LRP2: variants seen among roughly 807,000 people sequenced by gnomAD.
LRP2 encodes LDL receptor related protein 2.
Under a neutral mutation model 531.0 loss-of-function variants are expected in LRP2, and 172 were observed. The observed-to-expected ratio is 0.32, with a 90% confidence interval of 0.29 to 0.37. The LOEUF (loss-of-function observed/expected upper bound fraction) is 0.37. Among genes scored for constraint, LRP2 ranks in the 10% least tolerant of loss-of-function variants. LRP2 has a pLI of 1.00. For missense variants in LRP2, 5,167 were observed against 5,868.3 expected (o/e 0.88, Z 3.90); for synonymous variants, 1,992 against 2,027.6 (o/e 0.98, Z 0.47).
rs758244632 is a variant in LRP2 at position 169,165,921 on chromosome 2, C to T, written c.11758+11G>A. 1.2e-6 allele frequency: 2 copies of T among 1,613,922 alleles called. No homozygotes were observed. The highest frequency in any genetic ancestry group is 3.3e-5 in the Admixed American group (2 of 60,016). On this transcript the variant is annotated intron_variant, in intron 62 of 78. Coordinates refer to ENST00000649046, the MANE Select transcript of LRP2 (RefSeq NM_004525.3). ...CTTCCTTTTTCCTTCTCCCTTTTGA[C>T]TTTTGCTTACAGTGCTCCTCTGTCT...
intron 1 of LRP2, among the ~76,000 whole-genome samples, chr2:169,331,628 A>G (rs561632278): frequency 6.6e-6 from 1 of 152,354 alleles, no homozygotes; most frequent in South Asian, 2.1e-4. Context: ...CTACACTTAC[A>G]GGATGTTGAA....
chr2:169,186,013 T>C lies in LRP2; in HGVS notation c.9335A>G (p.Asn3112Ser), dbSNP rs1055153187. ...ACTGATTGAAGGGTCATGGCATTCATTAATGCCTGTAGGTAAAAAGCAGTT... is the reference window on the plus strand; with the variant it reads ...ACTGATTGAAGGGTCATGGCATTCACTAATGCCTGTAGGTAAAAAGCAGTT... ...DNSDEKGCGI[N>S]ECHDPSISGC... is the part of the protein sequence containing the mutation. Residue 3112 changes from asparagine (N) to serine (S), a missense_variant, in exon 50 of 79, where the codon AAT becomes AGT. By Grantham distance (46) the Asn-to-Ser change is conservative. This residue lies in a region of LRP2 where 1,129 missense variants were observed against 1,362.7 expected (regional missense o/e 0.83). Coordinates refer to ENST00000649046, the MANE Select transcript of LRP2 (RefSeq NM_004525.3). The C allele has an allele frequency of 1.2e-6, 2 of 1,613,296 alleles. No individual in the cohort carries two copies. The highest frequency in any genetic ancestry group is 1.7e-6 in the Non-Finnish European group (2 of 1,179,916).
chr2:169,157,252 A>T (rs1686365439), intron 64 of LRP2, 119 bp downstream of exon 64: 4 of 1,089,658 alleles, frequency 3.7e-6, no homozygotes, highest in Non-Finnish European at 5.3e-6. Flanking sequence ...AGAACCATGA[A>T]ACCATGAGTA....
chr2:169,239,886 C>T lies in LRP2; in HGVS notation c.4046-111G>A, dbSNP rs557452177. ...GTCTCATGCCACCTTCAATATGATG[C>T]CCAGACAAGAGCTAAGTGCAGCATG... On this transcript the variant is annotated intron_variant, in intron 25 of 78. Coordinates refer to ENST00000649046, the MANE Select transcript of LRP2 (RefSeq NM_004525.3). 3 of 928,502 alleles carry T rather than the reference C, an allele frequency of 3.2e-6. No individual in the cohort carries two copies. In the East Asian group the frequency reaches 7.8e-5, roughly 24 times the overall value. The allele number at this position is 928,502 out of a possible 1,614,324, so 57.5% of individuals were successfully genotyped here. A position where few individuals can be genotyped will look rare whatever the true frequency, so the allele number is the denominator to read the frequency against.
intron 36 of LRP2, 109 bp from the exon 37 acceptor site, chr2:169,212,316 C>G: frequency 7.2e-7 from 1 of 1,388,588 alleles, no homozygotes; most frequent in Non-Finnish European, 1.0e-6. Context: ...AATTAATAAC[C>G]AACATATAGT....
intron 4 of LRP2, among the ~76,000 whole-genome samples, chr2:169,303,694 A>G (rs1684342450): frequency 6.7e-6 from 1 of 150,364 alleles, no homozygotes; most frequent in Non-Finnish European, 1.5e-5. Context: ...TTTTTTTTTT[A>G]CACTGCTCCA....
chr2:169,272,580 G>A (rs1033369321), intron 15 of LRP2, among the ~76,000 whole-genome samples: 4 of 152,044 alleles, frequency 2.6e-5, no homozygotes, highest in Admixed American at 6.6e-5. Context: ...GGTATACATA[G>A]CATAGAAAAG....
intron 29 of LRP2, 69 bp from the exon 30 acceptor site, chr2:169,233,657 G>A (rs1689495989): frequency 1.5e-6 from 2 of 1,325,018 alleles, no homozygotes; most frequent in African/African-American, 1.4e-5. Context: ...AGTCAAAGAG[G>A]ATATCTGCTC....
chr2:169,313,654 G>A (rs1173686856), intron 3 of LRP2, among the ~76,000 whole-genome samples: 1 of 152,142 alleles, frequency 6.6e-6, no homozygotes, highest in Admixed American at 6.5e-5. Flanking sequence ...GCTACTCGGG[G>A]GTCAGGGACC....
intron 63 of LRP2, among the ~76,000 whole-genome samples, chr2:169,160,682 T>A (rs865872714): frequency 1.1e-4 from 6 of 52,806 alleles, no homozygotes; most frequent in African/African-American, 3.8e-4. Flanking sequence ...CTTATTTCCT[T>A]AAAAAAAAAA....
chr2:169,333,810 C>T (rs1685331456), intron 1 of LRP2, among the ~76,000 whole-genome samples: 1 of 152,126 alleles, frequency 6.6e-6, no homozygotes, highest in African/African-American at 2.4e-5. Flanking sequence ...AGCAGGTTAT[C>T]TTTGCACCAG....
At chr2:169,290,811 T>A (rs111562844) in intron 8 of LRP2, 34 bp downstream of exon 8, 2 of 1,608,904 alleles carry the variant, frequency 1.2e-6, no homozygotes, top group Admixed American at 1.7e-5. Flanking sequence ...AATATCTTTA[T>A]CTGAAAGCTA....
At position 169,312,794 on chromosome 2, in the gene LRP2, G is replaced by A. The variant is rs537597140; in HGVS notation, c.311-5397C>T. Among the ~76,000 whole-genome samples the A allele has an allele frequency of 4.6e-5, 7 of 152,316 alleles. No individual in the cohort carries two copies. The South Asian group carries it at 1.5e-3, about 32-fold the overall frequency. ...GTTCTCCCGGATAATATCCTGCAGAGTGTTTTCCAACTTGGTTCCATTCTC... is the reference window on the plus strand; with the variant it reads ...GTTCTCCCGGATAATATCCTGCAGAATGTTTTCCAACTTGGTTCCATTCTC... On this transcript the variant is annotated intron_variant, in intron 3 of 78. Transcript: ENST00000649046.
chr2:169,172,997 G>T, intron 57 of LRP2, 99 bp downstream of exon 57: 3 of 1,478,158 alleles, frequency 2.0e-6, no homozygotes, highest in Non-Finnish European at 2.8e-6. Flanking sequence ...ACAAAGAAAA[G>T]ATGACATGGG....
rs531423737 is a variant in LRP2 at position 169,270,131 on chromosome 2, T to A, written c.2320+773A>T. Reference sequence around the variant, plus strand: ...ACAGGTGCTGGAGAGGATGTGGAGATATAGGAACACTTTTACACTGTTGGA... The same window carrying A: ...ACAGGTGCTGGAGAGGATGTGGAGAAATAGGAACACTTTTACACTGTTGGA... On this transcript the variant is annotated intron_variant, in intron 16 of 78. Transcript: ENST00000649046. 5.8e-3 allele frequency among the ~76,000 whole-genome samples: 877 copies of A among 152,128 alleles called. 9 individuals are homozygous for A. The highest frequency in any genetic ancestry group is 0.02 in the African/African-American group (837 of 41,548).
intron 70 of LRP2, among the ~76,000 whole-genome samples, chr2:169,144,921 T>C (rs1685854653): frequency 6.6e-6 from 1 of 152,240 alleles, no homozygotes; most frequent in South Asian, 2.1e-4. Context: ...AGCAAGATGC[T>C]GAGTTTTGGG....
At chr2:169,177,389 T>C (rs995940356) in intron 53 of LRP2, among the ~76,000 whole-genome samples, 1 of 152,238 alleles carries the variant, frequency 6.6e-6, no homozygotes, top group Non-Finnish European at 1.5e-5. Flanking sequence ...GAATAATATC[T>C]AATTTATACA....
intron 9 of LRP2, among the ~76,000 whole-genome samples, chr2:169,286,100 A>G (rs1466840578): frequency 2.0e-5 from 3 of 152,238 alleles, no homozygotes; most frequent in Non-Finnish European, 2.9e-5. Context: ...GTATTTAAAG[A>G]GTTCTCTATA....
At chr2:169,191,104 T>C (rs974049755) in intron 48 of LRP2, among the ~76,000 whole-genome samples, 8 of 152,214 alleles carry the variant, frequency 5.3e-5, no homozygotes, top group Non-Finnish European at 1.2e-4. Context: ...GCATTTAAAA[T>C]CAGAGTATTT....
Sources: allele counts gnomAD v4.1 joint callset (sites outside exome capture counted in the v4.1 genomes callset), GRCh38; gene constraint gnomAD v4.1.1; regional missense constraint gnomAD v4.1.1; transcripts MANE v1.5; gene names NCBI Gene and HGNC (gene_info 2026-07-23, HGNC 2026-07-21).